Variants in RUNX2 observed in about 807,000 individuals in gnomAD.
The protein encoded by RUNX2 is RUNX family transcription factor 2.
RUNX2 carries 10 observed loss-of-function variants against 51.7 expected under a neutral mutation model. That is an observed-to-expected ratio of 0.19 (90% CI 0.12 to 0.33). The LOEUF (loss-of-function observed/expected upper bound fraction) is 0.33. Among genes scored for constraint, RUNX2 ranks in the 10% least tolerant of loss-of-function variants. The pLI is 1.00. For synonymous variants in RUNX2, 276 were observed against 273.6 expected (o/e 1.01, Z -0.09); for missense variants, 562 against 691.3 (o/e 0.81, Z 2.10).
At chr6:45,520,991 C>T (rs539044136) in intron 7 of RUNX2, among the ~76,000 whole-genome samples, 71 of 152,324 alleles carry the variant, frequency 4.7e-4, no homozygotes, top group African/African-American at 1.6e-3. Context: ...GCTGGGATTA[C>T]AGGTGTGAGG....
intron 7 of RUNX2, among the ~76,000 whole-genome samples, chr6:45,514,630 T>C (rs1390573399): frequency 6.6e-6 from 1 of 152,164 alleles, no homozygotes; most frequent in Non-Finnish European, 1.5e-5. Flanking sequence ...CAACTAGACA[T>C]GGACTGTCAG....
chr6:45,372,114 T>C (rs16873379), intron 2 of RUNX2: 86,515 of 694,038 alleles, frequency 0.12, 5,670 homozygotes, highest in East Asian at 0.25. Context: ...TATCTGACTA[T>C]GCCAAACCAC....
intron 5 of RUNX2, among the ~76,000 whole-genome samples, chr6:45,482,679 C>A (rs1332217381): frequency 6.6e-6 from 1 of 152,148 alleles, no homozygotes; most frequent in Non-Finnish European, 1.5e-5. Flanking sequence ...AGAAATCAAA[C>A]TCAGCTTTTA....
intron 5 of RUNX2, among the ~76,000 whole-genome samples, chr6:45,476,081 C>A (rs936160126): frequency 1.3e-5 from 2 of 152,168 alleles, no homozygotes; most frequent in African/African-American, 4.8e-5. Context: ...TAAATGATAT[C>A]ATTTGTACTA....
At chr6:45,522,743 A>G (rs1391729998) in intron 7 of RUNX2, among the ~76,000 whole-genome samples, 1 of 152,232 alleles carries the variant, frequency 6.6e-6, no homozygotes, top group Non-Finnish European at 1.5e-5. Flanking sequence ...GATGCTCAGC[A>G]TGCATAATGT....
At chr6:45,476,809 T>A (rs987071796) in intron 5 of RUNX2, among the ~76,000 whole-genome samples, 1 of 152,188 alleles carries the variant, frequency 6.6e-6, no homozygotes, top group Non-Finnish European at 1.5e-5. Flanking sequence ...TATTTAGACA[T>A]TTTTCCCTTC....
intron 2 of RUNX2, among the ~76,000 whole-genome samples, chr6:45,381,811 C>A (rs1457116447): frequency 6.6e-6 from 1 of 152,158 alleles, no homozygotes; most frequent in East Asian, 1.9e-4. Flanking sequence ...TGGGGTGCCA[C>A]AAAATTATTA....
chr6:45,423,439 T>C (rs1798290551), intron 3 of RUNX2, among the ~76,000 whole-genome samples: 2 of 151,996 alleles, frequency 1.3e-5, no homozygotes, highest in South Asian at 2.1e-4. Flanking sequence ...GCGCAGCCTC[T>C]CTTTGGGGCT....
At chr6:45,539,523 T>A (rs1171146609) in intron 7 of RUNX2, among the ~76,000 whole-genome samples, 1 of 152,210 alleles carries the variant, frequency 6.6e-6, no homozygotes. Context: ...TCTAATGAAA[T>A]GAAAAGTAAA....
At chr6:45,495,407 A>G (rs1800617435) in intron 6 of RUNX2, among the ~76,000 whole-genome samples, 1 of 152,246 alleles carries the variant, frequency 6.6e-6, no homozygotes, top group African/African-American at 2.4e-5. Flanking sequence ...GCAGCAGCTT[A>G]AATCACATTT....
chr6:45,441,301 C>T (rs547331263), intron 5 of RUNX2, among the ~76,000 whole-genome samples: 1 of 152,264 alleles, frequency 6.6e-6, no homozygotes, highest in East Asian at 1.9e-4. Flanking sequence ...GCTGTTTGAA[C>T]AAGGACAAAT....
At position 45,328,705 on chromosome 6, in the gene RUNX2, T is replaced by A. The variant is rs751540046; in HGVS notation, c.-22T>A. 6.2e-7 allele frequency: 1 copy of A among 1,611,616 alleles called. No individual in the cohort carries two copies. The highest frequency in any genetic ancestry group is 1.3e-5 in the African/African-American group (1 of 74,722). On this transcript the variant is annotated 5_prime_UTR_variant, in exon 2 of 9. Transcript: ENST00000647337. Reference sequence around the variant, plus strand: ...TTTACAACAGAGGGTACAAGTTCTATCTGAAAAAAAAAGGAGGGACTATGG... The same window carrying A: ...TTTACAACAGAGGGTACAAGTTCTAACTGAAAAAAAAAGGAGGGACTATGG...
chr6:45,473,585 G>T (rs914399262), intron 5 of RUNX2, among the ~76,000 whole-genome samples: 1 of 152,154 alleles, frequency 6.6e-6, no homozygotes, highest in African/African-American at 2.4e-5. Context: ...TAAGGGTATG[G>T]TACATAAAAA....
chr6:45,520,738 T>G (rs58977496), intron 7 of RUNX2, among the ~76,000 whole-genome samples: 9,875 of 152,124 alleles, frequency 0.065, 643 homozygotes, highest in African/African-American at 0.17. Flanking sequence ...CTTTTTTTTT[T>G]GAGACAGAGT....
chr6:45,403,232 T>TC (rs1797756955), intron 2 of RUNX2, among the ~76,000 whole-genome samples: 1 of 132,278 alleles, frequency 7.6e-6, no homozygotes, highest in Non-Finnish European at 1.5e-5. Flanking sequence ...TGAGTTTCTT[T>TC]TTTTTTTTTT....
At chr6:45,430,302 C>T (rs193269932) in intron 3 of RUNX2, among the ~76,000 whole-genome samples, 4 of 151,988 alleles carry the variant, frequency 2.6e-5, no homozygotes, top group East Asian at 1.9e-4. Flanking sequence ...AACATATGTA[C>T]GTTGAAATGA....
In RUNX2 at chr6:45,512,425, A is replaced by T. The variant is rs772869876; in HGVS notation, c.1021+18A>T. ...CATTTCAGGTAAAGACCGTGCTTTA[A>T]CTAAAAATCCATCCCTGCACAGGGG... On this transcript the variant is annotated intron_variant, in intron 7 of 8. Coordinates refer to ENST00000647337, the MANE Select transcript of RUNX2 (RefSeq NM_001024630.4). The T allele has an allele frequency of 1.2e-6, 2 of 1,613,542 alleles. No individual in the cohort carries two copies. Among genetic ancestry groups the T allele is most frequent in the East Asian group, 4.5e-5 (2 of 44,844 alleles).
intron 2 of RUNX2, among the ~76,000 whole-genome samples, chr6:45,407,995 G>C (rs1332606080): frequency 6.6e-6 from 1 of 151,940 alleles, no homozygotes; most frequent in East Asian, 1.9e-4. Flanking sequence ...TATTACCATG[G>C]TATAGAATTG....
rs147835302 is a variant in RUNX2, at chr6:45,440,446, A to C, written c.685+2395A>C. ...TGTTAAATGGGAGATCCTCTAGAAC[A>C]CAGACTGGCACACGTTTTCTACGGA... On this transcript the variant is annotated intron_variant, in intron 5 of 8. Transcript: ENST00000647337. Among the ~76,000 whole-genome samples the C allele has an allele frequency of 1.7e-3, 255 of 152,344 alleles. 1 individual carries two copies. Among genetic ancestry groups the C allele is most frequent in the African/African-American group, 5.7e-3 (235 of 41,576 alleles).
Sources: allele counts gnomAD v4.1 joint callset (sites outside exome capture counted in the v4.1 genomes callset), GRCh38; gene constraint gnomAD v4.1.1; transcripts MANE v1.5; gene names NCBI Gene and HGNC (gene_info 2026-07-23, HGNC 2026-07-21).